The following TMEM132D variants were observed in gnomAD, a reference collection of about 807,000 sequenced individuals.
TMEM132D encodes the protein mature OL transmembrane protein.
In TMEM132D, 21 loss-of-function variants were observed where a neutral mutation model predicts 62.3. The ratio of observed to expected loss-of-function variants is 0.34; its 90% CI spans 0.24 to 0.49. TMEM132D has a LOEUF of 0.49. TMEM132D is among the 20% of genes least tolerant of loss of function. TMEM132D has a pLI of 0.99. For missense variants in TMEM132D, 1,346 were observed against 1,402.8 expected, an observed-to-expected ratio of 0.96 and a Z score of 0.65; for synonymous variants, 621 against 575.6, an observed-to-expected ratio of 1.08 and a Z score of -1.13.
At position 129,495,117 on chromosome 12, in the gene TMEM132D, T is replaced by C. The variant is rs978954319; in HGVS notation, c.1115+35942A>G. On this transcript the variant is annotated intron_variant, in intron 3 of 8. Transcript: ENST00000422113. ...GCAGAGGTTGGCTCTGGTCAAATTT[T>C]GAGAAGCCTTGTTACCTTTACAAAG... Among the ~76,000 whole-genome samples, 5 of 151,866 alleles carry C rather than the reference T, an allele frequency of 3.3e-5. No homozygotes were observed. In the South Asian group the frequency reaches 6.2e-4, roughly 19 times the overall value.
chr12:129,389,055 G>A (rs1267651297), intron 3 of TMEM132D, among the ~76,000 whole-genome samples: 1 of 91,334 alleles, frequency 1.1e-5, no homozygotes, highest in Admixed American at 1.0e-4. Flanking sequence ...ACACTAACAT[G>A]AATCCTAATA....
At chr12:129,210,694 T>G (rs893330329) in intron 4 of TMEM132D, among the ~76,000 whole-genome samples, 20 of 152,216 alleles carry the variant, frequency 1.3e-4, no homozygotes, top group African/African-American at 4.8e-4. Flanking sequence ...ATCTGCTTTC[T>G]GCTCACCAGC....
chr12:129,513,417 AC>A (rs1875551944), intron 3 of TMEM132D, among the ~76,000 whole-genome samples: 2 of 152,016 alleles, frequency 1.3e-5, no homozygotes, highest in African/African-American at 4.8e-5. Context: ...CATAATGGGG[AC>A]CAATTTTTTT....
Position 129,826,654 on chromosome 12 carries a change from G to A in TMEM132D, c.79+76607C>T, listed in dbSNP as rs76045175. ...TCATCCCAATGCCCCACAGCGGAAG[G>A]CTATTTACCTAAAGAATTTCAAAAG... is the stretch of plus-strand genomic sequence containing the variant. On this transcript the variant is annotated intron_variant, in intron 1 of 8. Transcript: ENST00000422113. Among the ~76,000 whole-genome samples the A allele has an allele frequency of 2.0e-5, 3 of 152,324 alleles. No individual in the cohort carries two copies. In the East Asian group the frequency reaches 5.8e-4, roughly 29 times the overall value.
At chr12:129,266,257 C>T (rs1880691325) in intron 4 of TMEM132D, among the ~76,000 whole-genome samples, 1 of 152,078 alleles carries the variant, frequency 6.6e-6, no homozygotes, top group Admixed American at 6.5e-5. Flanking sequence ...CACTGGGGCT[C>T]CTCTCTCAGC....
chr12:129,427,750 C>CCAAAAT (rs1872539694), intron 3 of TMEM132D, among the ~76,000 whole-genome samples: 1 of 151,694 alleles, frequency 6.6e-6, no homozygotes, highest in Admixed American at 6.6e-5. Flanking sequence ...AAAAACAAAA[C>CCAAAAT]CAAAATCAAA....
intron 4 of TMEM132D, among the ~76,000 whole-genome samples, chr12:129,319,720 A>G (rs1868618112): frequency 6.6e-6 from 1 of 152,230 alleles, no homozygotes; most frequent in African/African-American, 2.4e-5. Flanking sequence ...TGAGGTTGGA[A>G]GAAGATGTAA....
chr12:129,433,386 G>T (rs562621832), intron 3 of TMEM132D, among the ~76,000 whole-genome samples: 3 of 152,102 alleles, frequency 2.0e-5, no homozygotes, highest in Non-Finnish European at 2.9e-5. Flanking sequence ...GTGTATGAAG[G>T]TTCCAGTAAT....
rs533752661 is a variant in TMEM132D at position 129,156,409 on chromosome 12, A to C, written c.1443+53111T>G. On this transcript the variant is annotated intron_variant, in intron 5 of 8. Coordinates refer to ENST00000422113, the MANE Select transcript of TMEM132D (RefSeq NM_133448.3). Reference sequence around the variant, plus strand: ...AACCTACTCCCAAGATAACCAACCCACTCTCATGAGAACTAACTCACTGTT... The same window carrying C: ...AACCTACTCCCAAGATAACCAACCCCCTCTCATGAGAACTAACTCACTGTT... 2.6e-5 allele frequency among the ~76,000 whole-genome samples: 4 copies of C among 152,086 alleles called. No individual in the cohort carries two copies. The East Asian group carries it at 7.8e-4, about 30-fold the overall frequency.
At chr12:129,757,524 G>A (rs183802047) in intron 1 of TMEM132D, among the ~76,000 whole-genome samples, 4 of 152,206 alleles carry the variant, frequency 2.6e-5, no homozygotes, top group East Asian at 3.9e-4. Flanking sequence ...CCATTTGGGC[G>A]TCTTGATAAC....
At chr12:129,475,597 C>A (rs977858053) in intron 3 of TMEM132D, among the ~76,000 whole-genome samples, 3 of 152,212 alleles carry the variant, frequency 2.0e-5, no homozygotes, top group African/African-American at 7.2e-5. Flanking sequence ...GTTTTGCCTT[C>A]TTTTGTCTCT....
chr12:129,407,874 A>C (rs558517611), intron 3 of TMEM132D, among the ~76,000 whole-genome samples: 143 of 149,160 alleles, frequency 9.6e-4, no homozygotes, highest in Non-Finnish European at 1.7e-3. Flanking sequence ...TGGGCAACAG[A>C]GCGAGACTCC....
chr12:129,610,075 G>C (rs1878728428), intron 2 of TMEM132D, among the ~76,000 whole-genome samples: 1 of 152,162 alleles, frequency 6.6e-6, no homozygotes, highest in Non-Finnish European at 1.5e-5. Context: ...CTCAAGACCA[G>C]CCTGGCCAAC....
intron 4 of TMEM132D, among the ~76,000 whole-genome samples, chr12:129,307,062 A>ATTTT (rs3045974): frequency 3.8e-4 from 57 of 149,410 alleles, no homozygotes; most frequent in African/African-American, 8.3e-4. Flanking sequence ...CAATAGACTG[A>ATTTT]TTTTTTTTTT....
intron 2 of TMEM132D, among the ~76,000 whole-genome samples, chr12:129,619,422 T>C (rs1050895195): frequency 2.0e-5 from 3 of 152,172 alleles, no homozygotes; most frequent in Non-Finnish European, 4.4e-5. Context: ...TGTGCAGAAA[T>C]GTCCCTGCCA....
intron 3 of TMEM132D, among the ~76,000 whole-genome samples, chr12:129,522,240 T>A (rs942141097): frequency 3.3e-5 from 5 of 152,128 alleles, no homozygotes; most frequent in African/African-American, 1.2e-4. Flanking sequence ...GAAACCAAAC[T>A]GTATATATTA....
chr12:129,593,669 G>C (rs966125210), intron 2 of TMEM132D, among the ~76,000 whole-genome samples: 5 of 152,156 alleles, frequency 3.3e-5, no homozygotes, highest in Admixed American at 1.3e-4. Context: ...ACCTTGGAGA[G>C]GAAGATGTTT....
At chr12:129,317,749 A>G (rs548405445) in intron 4 of TMEM132D, among the ~76,000 whole-genome samples, 2 of 152,322 alleles carry the variant, frequency 1.3e-5, no homozygotes, top group African/African-American at 4.8e-5. Context: ...CCAAGCTTTT[A>G]CAATTCTCTT....
At position 129,822,334 on chromosome 12, in the gene TMEM132D, G is replaced by A. The variant is rs78524175; in HGVS notation, c.79+80927C>T. 8.9e-4 allele frequency among the ~76,000 whole-genome samples: 136 copies of A among 152,252 alleles called. 3 individuals are homozygous for A. The East Asian group carries it at 0.024, about 27-fold the overall frequency. On this transcript the variant is annotated intron_variant, in intron 1 of 8. Coordinates refer to ENST00000422113, the MANE Select transcript of TMEM132D (RefSeq NM_133448.3). ...GACTCAGCATATGGTTGCACAAACA[G>A]CTGGGACTTATTACAACAGAAGGTC... is the stretch of plus-strand genomic sequence containing the variant.
Sources: allele counts gnomAD v4.1 joint callset (sites outside exome capture counted in the v4.1 genomes callset), GRCh38; gene constraint gnomAD v4.1.1; transcripts MANE v1.5; gene names NCBI Gene and HGNC (gene_info 2026-07-23, HGNC 2026-07-21).